Variants in ZDBF2 observed in about 807,000 individuals in gnomAD.
ZDBF2 encodes the protein DBF4-type zinc finger-containing protein 2.
ZDBF2 carries 6 observed loss-of-function variants against 9.4 expected under a neutral mutation model. The observed-to-expected ratio is 0.64, with a 90% CI of 0.35 to 1.27. The LOEUF is 1.27. Among genes scored for constraint, ZDBF2 ranks in the 50% most tolerant of loss-of-function variants. ZDBF2 has a pLI of 0.03. For synonymous variants in ZDBF2, 905 were observed against 946.3 expected (o/e 0.96, Z 0.80); for missense variants, 2,697 against 2,766.8 (o/e 0.97, Z 0.57).
rs1234531458 is a variant in ZDBF2, at chr2:206,305,058, T to G, written c.530T>G (p.Leu177Trp). The change falls in exon 5 of 5, where the codon TTG (leucine) becomes TGG (tryptophan). Residue 177 changes from leucine to tryptophan, a missense_variant. Transcript: ENST00000374423. ...CAGGCTACAAATAATAGAAGCAACT[T>G]GGTACGCCCCCCAGTGATTTGTAAT... ...IGQATNNRSN[L>W]VRPPVICNAP... is the part of the protein sequence containing the mutation. The G allele has an allele frequency of 2.5e-6, 4 of 1,613,668 alleles. No homozygotes were observed. In the African/African-American group the frequency reaches 5.3e-5, roughly 22 times the overall value.
At position 206,305,413 on chromosome 2, in the gene ZDBF2, G is replaced by A. The variant is rs745569023; in HGVS notation, c.885G>A (p.Lys295=). The A allele has an allele frequency of 2.2e-5, 36 of 1,613,494 alleles. No homozygotes were observed. The highest frequency in any genetic ancestry group is 2.9e-5 in the Non-Finnish European group (34 of 1,179,728). Residue 295 remains lysine, a synonymous_variant, in exon 5 of 5, where the codon AAG becomes AAA. Transcript: ENST00000374423. ...GLKFHERMGT[K]GSLRVKSPSK... is the part of the protein sequence containing the mutation. ...AATTCCATGAACGCATGGGTACTAA[G>A]GGCTCCTTAAGAGTTAAATCTCCTT...
At chr2:206,278,759 C>A (rs1351158253) in intron 1 of ZDBF2, among the ~76,000 whole-genome samples, 1 of 152,208 alleles carries the variant, frequency 6.6e-6, no homozygotes, top group Non-Finnish European at 1.5e-5. Flanking sequence ...CAGTGGCATC[C>A]CTCGCCGCTC....
intron 3 of ZDBF2, among the ~76,000 whole-genome samples, chr2:206,292,779 A>G (rs994727309): frequency 1.3e-5 from 2 of 152,124 alleles, no homozygotes; most frequent in Admixed American, 6.5e-5. Flanking sequence ...GAACATCAAA[A>G]TCTAGGGAAT....
At chr2:206,287,085 C>T (rs939923393) in intron 3 of ZDBF2, among the ~76,000 whole-genome samples, 2 of 152,128 alleles carry the variant, frequency 1.3e-5, no homozygotes, top group Non-Finnish European at 1.5e-5. Context: ...ATTGTTGCAC[C>T]TGGATCTTGG....
chr2:206,309,608 A>G lies in ZDBF2; in HGVS notation c.5080A>G (p.Arg1694Gly), dbSNP rs1351564808. 2 of 1,613,846 alleles carry G rather than the reference A, an allele frequency of 1.2e-6. No homozygotes were observed. The highest frequency in any genetic ancestry group is 2.2e-5 in the East Asian group (1 of 44,880). ...HKEASLRKDP[R>G]NAGLKGKSCQ... ...AGAAGCCAGTCTTCGGAAGGATCCA[A>G]GAAATGCTGGCCTAAAAGGTAAGAG... The change falls in exon 5 of 5, where the codon AGA (arginine) becomes GGA (glycine). Residue 1694 changes from arginine to glycine, a missense_variant. Arg to Gly is a moderately radical substitution (Grantham distance 125). Transcript: ENST00000374423.
At chr2:206,275,266 G>A (rs922142277) in intron 1 of ZDBF2, among the ~76,000 whole-genome samples, 1 of 152,120 alleles carries the variant, frequency 6.6e-6, no homozygotes, top group Non-Finnish European at 1.5e-5. Flanking sequence ...GGCTTGGGGA[G>A]GGGGCGGTCT....
At chr2:206,302,036 G>A (rs889886971) in intron 4 of ZDBF2, among the ~76,000 whole-genome samples, 1 of 151,292 alleles carries the variant, frequency 6.6e-6, no homozygotes, top group African/African-American at 2.4e-5. Context: ...TCGTTTGTAG[G>A]TCTCACTCTG....
In ZDBF2 at chr2:206,305,403, T is replaced by C. The variant is rs1031103419; in HGVS notation, c.875T>C (p.Met292Thr). ...LSAGLKFHER[M>T]GTKGSLRVKS... Reference sequence around the variant, plus strand: ...GCTGGCTTGAAATTCCATGAACGCATGGGTACTAAGGGCTCCTTAAGAGTT... The same window carrying C: ...GCTGGCTTGAAATTCCATGAACGCACGGGTACTAAGGGCTCCTTAAGAGTT... The change falls in exon 5 of 5, where the codon ATG (methionine) becomes ACG (threonine). Residue 292 changes from methionine (M) to threonine (T), a missense_variant. Physicochemically the swap from Met to Thr is moderately conservative, Grantham distance 81. This residue lies in a region of ZDBF2 where 910 missense variants were observed against 973.6 expected (regional missense o/e 0.93). Transcript: ENST00000374423. 1.1e-5 allele frequency: 18 copies of C among 1,613,456 alleles called. No homozygotes were observed. In the African/African-American group the frequency reaches 1.9e-4, roughly 17 times the overall value.
In ZDBF2 at chr2:206,313,976, G is replaced by C. The variant is rs1304345987; in HGVS notation, c.*2383G>C. 6.6e-6 allele frequency: 1 copy of C among 152,114 alleles called. No individual in the cohort carries two copies. 9.4% of individuals were successfully genotyped at this position (152,114 alleles called of 1,614,324 possible). A position where few individuals can be genotyped will look rare whatever the true frequency, so the allele number is the denominator to read the frequency against. ...AAATTGGAAATTACTTTCAGAATTT[G>C]GTAGTATACAAGATGTGCCCCTTTG... is the stretch of plus-strand genomic sequence containing the variant. On this transcript the variant is annotated 3_prime_UTR_variant, in exon 5 of 5. Transcript: ENST00000374423.
intron 3 of ZDBF2, 125 bp downstream of exon 3, chr2:206,282,034 C>A: frequency 1.1e-6 from 1 of 886,316 alleles, no homozygotes; most frequent in Non-Finnish European, 1.7e-6. Flanking sequence ...AGTTGGCAGA[C>A]ACTGTTTAAG....
chr2:206,292,043 G>A, intron 3 of ZDBF2: 1 of 398,328 alleles, frequency 2.5e-6, no homozygotes, highest in East Asian at 3.6e-5. Context: ...CTAAAAAGGA[G>A]TTCTTCAGGC....
chr2:206,286,954 G>T (rs1415445266), intron 3 of ZDBF2, among the ~76,000 whole-genome samples: 2 of 152,118 alleles, frequency 1.3e-5, no homozygotes, highest in African/African-American at 4.8e-5. Context: ...GTAGGTAGTA[G>T]ATCCCTCTTG....
At chr2:206,281,154 G>A (rs930794410) in intron 2 of ZDBF2, among the ~76,000 whole-genome samples, 1 of 152,044 alleles carries the variant, frequency 6.6e-6, no homozygotes, top group Admixed American at 6.6e-5. Flanking sequence ...TTAGGTGAGT[G>A]GAAACTGGAA....
chr2:206,292,203 G>A (rs1691933609), intron 3 of ZDBF2: 3 of 397,452 alleles, frequency 7.5e-6, no homozygotes, highest in Non-Finnish European at 1.3e-5. Context: ...AGTAAATGAT[G>A]TTAATTTCTA....
intron 3 of ZDBF2, among the ~76,000 whole-genome samples, chr2:206,289,434 C>A (rs554431939): frequency 2.6e-5 from 4 of 152,038 alleles, no homozygotes; most frequent in African/African-American, 7.2e-5. Context: ...ACCACTTCAG[C>A]TCCAGCCTGA....
Position 206,292,895 on chromosome 2 carries a change from C to A in ZDBF2, c.61-4351C>A, listed in dbSNP as rs572446998. Among the ~76,000 whole-genome samples, 4 of 151,626 alleles carry A rather than the reference C, an allele frequency of 2.6e-5. No homozygotes were observed. In the South Asian group the frequency reaches 6.2e-4, roughly 24 times the overall value. On this transcript the variant is annotated intron_variant, in intron 3 of 4. Coordinates refer to ENST00000374423, the MANE Select transcript of ZDBF2 (RefSeq NM_020923.3). ...AATATTGTAAACATGTCAGTTCTGC[C>A]TAGATTGTTATATTTATCCAATGTA...
At chr2:206,291,004 C>A (rs895294367) in intron 3 of ZDBF2, among the ~76,000 whole-genome samples, 2 of 152,080 alleles carry the variant, frequency 1.3e-5, no homozygotes, top group African/African-American at 4.8e-5. Context: ...AGTGTTTAAT[C>A]ATGAAAGGGT....
Position 206,308,166 on chromosome 2 carries a change from G to T in ZDBF2, c.3638G>T (p.Arg1213Leu). The change falls in exon 5 of 5, where the codon CGG becomes CTG. Residue 1213 changes from arginine to leucine, a missense_variant. This residue lies in a region of ZDBF2 where 1,783 missense variants were observed against 1,776.5 expected (regional missense o/e 1.00). Coordinates refer to ENST00000374423, the MANE Select transcript of ZDBF2 (RefSeq NM_020923.3). Reference sequence around the variant, plus strand: ...GACCCTCTTCAGTCAGTGGCTGACCGGCTGAGAGAAACCGTTAAAGAAATA... The same window carrying T: ...GACCCTCTTCAGTCAGTGGCTGACCTGCTGAGAGAAACCGTTAAAGAAATA... ...SDDPLQSVAD[R>L]LRETVKEISL... The T allele has an allele frequency of 1.2e-6, 2 of 1,613,702 alleles. No homozygotes were observed. Among genetic ancestry groups the T allele is most frequent in the Non-Finnish European group, 8.5e-7 (1 of 1,179,814 alleles).
At chr2:206,285,304 G>A (rs1257967084) in intron 3 of ZDBF2, among the ~76,000 whole-genome samples, 1 of 151,946 alleles carries the variant, frequency 6.6e-6, no homozygotes, top group Non-Finnish European at 1.5e-5. Flanking sequence ...ATCCTTGCCA[G>A]TGTGTTATTT....
Sources: allele counts gnomAD v4.1 joint callset (sites outside exome capture counted in the v4.1 genomes callset), GRCh38; gene constraint gnomAD v4.1.1; regional missense constraint gnomAD v4.1.1; transcripts MANE v1.5; gene names NCBI Gene and HGNC (gene_info 2026-07-23, HGNC 2026-07-21).